OSBPL5: variants seen among roughly 807,000 people sequenced by gnomAD.
The protein encoded by OSBPL5 is oxysterol binding protein like 5.
In OSBPL5, 71 loss-of-function variants were observed where a neutral mutation model predicts 111.2. The observed-to-expected ratio is 0.64, with a 90% CI of 0.53 to 0.78. The LOEUF (loss-of-function observed/expected upper bound fraction) is 0.78. Among genes scored for constraint, OSBPL5 ranks in the 30% least tolerant of loss-of-function variants. OSBPL5 has a pLI of 0.00. For synonymous variants in OSBPL5, 549 were observed against 513.9 expected (o/e 1.07, Z -0.93); for missense variants, 1,210 against 1,189.3 (o/e 1.02, Z -0.26).
At chr11:3,127,786 T>C (rs1858679793) in intron 2 of OSBPL5, among the ~76,000 whole-genome samples, 1 of 152,170 alleles carries the variant, frequency 6.6e-6, no homozygotes, top group South Asian at 2.1e-4. Context: ...GCAGGTGCCC[T>C]GGGCAGGGGG....
Position 3,107,448 on chromosome 11 carries a change from C to T in OSBPL5, c.874G>A (p.Gly292Arg), listed in dbSNP as rs200925008. The change falls in exon 9 of 22, where the codon GGG (glycine) becomes AGG (arginine). Residue 292 changes from glycine to arginine, a missense_variant. Coordinates refer to ENST00000263650, the MANE Select transcript of OSBPL5 (RefSeq NM_020896.4). This position sits in a 1 kb window ranked among gnomAD's most constrained non-coding sequence, Gnocchi z 6.1. ...AATGCATCGTTCTCCAGGGAAGACC[C>T]GTTCAGTCTGGAAGGTGGATGGTGC... ...HPDQDLFPLN[G>R]SSLENDAFSD... 5.1e-5 allele frequency: 83 copies of T among 1,613,862 alleles called. No individual in the cohort carries two copies. Among genetic ancestry groups the T allele is most frequent in the Non-Finnish European group, 6.9e-5 (81 of 1,179,956 alleles).
intron 4 of OSBPL5, 124 bp from the exon 5 acceptor site, chr11:3,122,222 G>C: frequency 7.6e-7 from 1 of 1,309,204 alleles, no homozygotes; most frequent in Non-Finnish European, 1.1e-6. Context: ...AGGAAGTAGG[G>C]GGTGTGGAGG....
intron 13 of OSBPL5, among the ~76,000 whole-genome samples, chr11:3,100,980 T>C (rs1217964400): frequency 6.7e-6 from 1 of 148,426 alleles, no homozygotes; most frequent in Non-Finnish European, 1.5e-5. Context: ...TCTTTTTTTT[T>C]TTTTTTTTTT....
At chr11:3,136,241 C>T (rs931655816) in intron 1 of OSBPL5, among the ~76,000 whole-genome samples, 2 of 152,238 alleles carry the variant, frequency 1.3e-5, no homozygotes, top group Non-Finnish European at 2.9e-5. Flanking sequence ...CCCCTGCCTC[C>T]GCCAGCTGCC....
chr11:3,101,475 T>C (rs1857452587), intron 13 of OSBPL5, 128 bp downstream of exon 13: 1 of 852,624 alleles, frequency 1.2e-6, no homozygotes, highest in Non-Finnish European at 1.8e-6. Context: ...ACATGGTCTC[T>C]GACTAGGAGG....
At position 3,105,762 on chromosome 11, in the gene OSBPL5, G is replaced by C. The variant is rs1365933464; in HGVS notation, c.1060-1385C>G. Among the ~76,000 whole-genome samples, 1 of 152,150 alleles carries C rather than the reference G, an allele frequency of 6.6e-6. No homozygotes were observed. The highest frequency in any genetic ancestry group is 1.5e-5 in the Non-Finnish European group (1 of 68,010). On this transcript the variant is annotated intron_variant, in intron 9 of 21. Transcript: ENST00000263650. The surrounding 1 kb of genome is among the most constrained non-coding windows in gnomAD (Gnocchi z 5.2). ...GAAGGTTGGGTGCCCGGGCCCCTTGGCTGCCCGCTCCATGCCCTCTGCCCG... is the reference window on the plus strand; with the variant it reads ...GAAGGTTGGGTGCCCGGGCCCCTTGCCTGCCCGCTCCATGCCCTCTGCCCG...
chr11:3,105,017 G>A lies in OSBPL5; in HGVS notation c.1060-640C>T, dbSNP rs760010195. Among the ~76,000 whole-genome samples the A allele has an allele frequency of 6.6e-6, 1 of 152,038 alleles. No individual in the cohort carries two copies. Among genetic ancestry groups the A allele is most frequent in the Non-Finnish European group, 1.5e-5 (1 of 68,022 alleles). On this transcript the variant is annotated intron_variant, in intron 9 of 21. Transcript: ENST00000263650. The surrounding 1 kb of genome is among the most constrained non-coding windows in gnomAD (Gnocchi z 5.2). Reference sequence around the variant, plus strand: ...AGGCCCCCTCATCTCTTCCTTTTCTGAGACATCTAACCCTCACCACAGCTC... The same window carrying A: ...AGGCCCCCTCATCTCTTCCTTTTCTAAGACATCTAACCCTCACCACAGCTC...
At position 3,126,605 on chromosome 11, in the gene OSBPL5, G is replaced by A; in HGVS notation, c.137-50C>T. 6.6e-7 allele frequency: 1 copy of A among 1,511,450 alleles called. No homozygotes were observed. Among genetic ancestry groups the A allele is most frequent in the Non-Finnish European group, 9.0e-7 (1 of 1,115,062 alleles). 93.6% of individuals were successfully genotyped at this position (1,511,450 alleles called of 1,614,324 possible). ...GACCCAGGCATGGTGGCGTGGCCAG[G>A]CTTCTCAGGCCGCTGCCTGGTGTGA... On this transcript the variant is annotated intron_variant, in intron 2 of 21. Transcript: ENST00000263650. The surrounding 1 kb of genome is among the most constrained non-coding windows in gnomAD (Gnocchi z 6.5).
At chr11:3,155,149 TGAGA>T (rs1014437169) in intron 1 of OSBPL5, among the ~76,000 whole-genome samples, 1 of 152,172 alleles carries the variant, frequency 6.6e-6, no homozygotes, top group Admixed American at 6.5e-5. Context: ...CCTCCAGAAC[TGAGA>T]GAGAATCAAC....
At chr11:3,138,368 A>G (rs1006079453) in intron 1 of OSBPL5, among the ~76,000 whole-genome samples, 1 of 152,136 alleles carries the variant, frequency 6.6e-6, no homozygotes, top group Non-Finnish European at 1.5e-5. Flanking sequence ...ACCTGTCCCA[A>G]CTGAAAGGAG....
chr11:3,119,010 G>GT (rs57566057), intron 7 of OSBPL5, among the ~76,000 whole-genome samples: 74,496 of 146,518 alleles, frequency 0.51, 19,467 homozygotes, highest in African/African-American at 0.67. Context: ...GTGACAGGTG[G>GT]TTTTTTTTTT....
chr11:3,135,431 C>T (rs1297992761), intron 1 of OSBPL5, among the ~76,000 whole-genome samples: 1 of 151,828 alleles, frequency 6.6e-6, no homozygotes, highest in Non-Finnish European at 1.5e-5. Flanking sequence ...GACAGAGAGC[C>T]AGAACCGTGG....
Position 3,092,051 on chromosome 11 carries a change from G to A in OSBPL5, c.2259+381C>T, listed in dbSNP as rs1310832928. ...CCTGCTGTCCCGCTTCCCCTTTCCAGACACAAGATCTGTGCAAGTGCTGGC... is the reference window on the plus strand; with the variant it reads ...CCTGCTGTCCCGCTTCCCCTTTCCAAACACAAGATCTGTGCAAGTGCTGGC... On this transcript the variant is annotated intron_variant, in intron 19 of 21. Coordinates refer to ENST00000263650, the MANE Select transcript of OSBPL5 (RefSeq NM_020896.4). This position sits in a 1 kb window ranked among gnomAD's most constrained non-coding sequence, Gnocchi z 5.4. 6.6e-6 allele frequency among the ~76,000 whole-genome samples: 1 copy of A among 152,208 alleles called. No individual in the cohort carries two copies. Among genetic ancestry groups the A allele is most frequent in the East Asian group, 1.9e-4 (1 of 5,196 alleles).
rs113378350 is a variant in OSBPL5 at position 3,156,864 on chromosome 11, T to C, written c.-22+8352A>G. ...CACCTCCAGGAGACTGGCCCTGCAA[T>C]GGCCCATTTCACAGACGAGGAAACT... On this transcript the variant is annotated intron_variant, in intron 1 of 21. Coordinates refer to ENST00000263650, the MANE Select transcript of OSBPL5 (RefSeq NM_020896.4). Among the ~76,000 whole-genome samples, 97 of 152,264 alleles carry C rather than the reference T, an allele frequency of 6.4e-4. 1 individual carries two copies. The highest frequency in any genetic ancestry group is 2.1e-3 in the African/African-American group (89 of 41,564).
At chr11:3,150,125 T>C (rs1272245545) in intron 1 of OSBPL5, among the ~76,000 whole-genome samples, 1 of 152,126 alleles carries the variant, frequency 6.6e-6, no homozygotes, top group Non-Finnish European at 1.5e-5. Context: ...TTGGCATGGC[T>C]GCCGCTTCCC....
chr11:3,121,824 A>G lies in OSBPL5; in HGVS notation c.402+173T>C. On this transcript the variant is annotated intron_variant, in intron 5 of 21. Transcript: ENST00000263650. The surrounding 1 kb of genome is among the most constrained non-coding windows in gnomAD (Gnocchi z 4.3). Reference sequence around the variant, plus strand: ...CTGGTGTCCTTATAAAAAGGGGGAGAGACAGGTGGATAAGGAAAGGCCTCA... The same window carrying G: ...CTGGTGTCCTTATAAAAAGGGGGAGGGACAGGTGGATAAGGAAAGGCCTCA... 1.6e-6 allele frequency: 1 copy of G among 620,558 alleles called. No individual in the cohort carries two copies. Among genetic ancestry groups the G allele is most frequent in the Non-Finnish European group, 2.8e-6 (1 of 351,628 alleles). The allele number at this position is 620,558 out of a possible 1,614,324, so 38.4% of individuals were successfully genotyped here.
At position 3,104,058 on chromosome 11, in the gene OSBPL5, G is replaced by A. The variant is rs1857611628; in HGVS notation, c.1244+135C>T. On this transcript the variant is annotated intron_variant, in intron 10 of 21. Transcript: ENST00000263650. The surrounding 1 kb of genome is among the most constrained non-coding windows in gnomAD (Gnocchi z 5.0). ...CAGGGCCCCCTGGGAGGCTACAGCT[G>A]CAGAAACAGTGGGCTGAGATCAGCC... The A allele has an allele frequency of 1.8e-6, 2 of 1,129,802 alleles. No homozygotes were observed. Among genetic ancestry groups the A allele is most frequent in the Non-Finnish European group, 2.5e-6 (2 of 812,088 alleles). The allele number at this position is 1,129,802 out of a possible 1,614,324, so 70.0% of individuals were successfully genotyped here.
chr11:3,153,934 G>A (rs1846667442), intron 1 of OSBPL5, among the ~76,000 whole-genome samples: 1 of 152,228 alleles, frequency 6.6e-6, no homozygotes, highest in Non-Finnish European at 1.5e-5. Context: ...ATGCAGCCCA[G>A]ATAAGGTGGC....
chr11:3,148,397 C>T (rs111976432), intron 1 of OSBPL5, among the ~76,000 whole-genome samples: 9,426 of 152,286 alleles, frequency 0.062, 334 homozygotes, highest in Admixed American at 0.093. Flanking sequence ...AGGAAGTGCC[C>T]CTCCCATGAC....
Sources: gnomAD v4.1 joint callset for allele counts (sites outside exome capture counted in the v4.1 genomes callset) on GRCh38, gnomAD v4.1.1 for gene constraint, Gnocchi (gnomAD v3.1) non-coding constraint, MANE v1.5 for transcripts, NCBI Gene and HGNC (gene_info 2026-07-23, HGNC 2026-07-21) for gene names.